HK3: variants seen among roughly 807,000 people sequenced by gnomAD.
HK3 encodes hexokinase 3.
Under a neutral mutation model 91.0 loss-of-function variants are expected in HK3, and 93 were observed. The observed-to-expected ratio is 1.02, with a 90% CI of 0.86 to 1.21. The LOEUF is 1.21. Ranked by LOEUF, HK3 falls within the 50% of genes most tolerant of loss-of-function variation. HK3 has a pLI of 0.00. For synonymous variants in HK3, 519 were observed against 516.9 expected (o/e 1.00, Z -0.06); for missense variants, 1,235 against 1,247.4 (o/e 0.99, Z 0.15).
At chr5:176,893,141 G>C (rs1430890713) in intron 2 of HK3, among the ~76,000 whole-genome samples, 1 of 152,204 alleles carries the variant, frequency 6.6e-6, no homozygotes, top group Non-Finnish European at 1.5e-5. Context: ...AGCTGCCCAA[G>C]TGTTAGAAAT....
intron 13 of HK3, among the ~76,000 whole-genome samples, chr5:176,885,411 A>T (rs72811302): frequency 0.025 from 3,857 of 152,224 alleles, 72 homozygotes; most frequent in African/African-American, 0.053. Flanking sequence ...TCACCCCTGA[A>T]AATAATGTGG....
rs752169461 is a variant in HK3 at position 176,889,709 on chromosome 5, G to A, written c.666C>T (p.Asp222=). ...CACAGCCCATCATGGTGCCCACTGT[G>A]TCGTTCACCACAGCAACCACGTCGA... ...YNIDVVAVVN[D]TVGTMMGCEP... is the part of the protein sequence containing the mutation. Residue 222 remains aspartate, a synonymous_variant, in exon 7 of 19, where the codon GAC becomes GAT. Transcript: ENST00000292432. 6.2e-7 allele frequency: 1 copy of A among 1,614,170 alleles called. No individual in the cohort carries two copies. The highest frequency in any genetic ancestry group is 2.2e-5 in the East Asian group (1 of 44,886).
At chr5:176,885,205 C>G (rs1006884566) in intron 13 of HK3, among the ~76,000 whole-genome samples, 1 of 152,170 alleles carries the variant, frequency 6.6e-6, no homozygotes, top group African/African-American at 2.4e-5. Flanking sequence ...ACAGAGGAGG[C>G]CTCTGCCCTC....
chr5:176,882,009 C>T lies in HK3; in HGVS notation c.2172G>A (p.Leu724=), dbSNP rs769371493. 1.9e-6 allele frequency: 3 copies of T among 1,613,382 alleles called. No individual in the cohort carries two copies. The highest frequency in any genetic ancestry group is 3.3e-5 in the Admixed American group (2 of 60,024). The change falls in exon 16 of 19, where the codon CTG becomes CTA. Residue 724 remains leucine, a synonymous_variant. Coordinates refer to ENST00000292432, the MANE Select transcript of HK3 (RefSeq NM_002115.3). ...EWGAFGDDGS[L]AMLSTRFDAS... ...CATCAAAGCGGGTGCTGAGCATGGC[C>T]AGAGAGCCATCGTCCCCAAAGGCGC...
chr5:176,897,953 C>T (rs1758946283), intron 1 of HK3, among the ~76,000 whole-genome samples: 1 of 152,208 alleles, frequency 6.6e-6, no homozygotes, highest in South Asian at 2.1e-4. Context: ...CATCACCTTA[C>T]CCCCACAAAG....
intron 15 of HK3, among the ~76,000 whole-genome samples, chr5:176,882,809 T>C (rs4976631): frequency 0.012 from 1,838 of 152,256 alleles, 53 homozygotes; most frequent in Admixed American, 0.086. Context: ...CAGCTTCAGC[T>C]CCAGGAAGGT....
chr5:176,892,187 T>C (rs1758794954), intron 2 of HK3, among the ~76,000 whole-genome samples: 1 of 152,148 alleles, frequency 6.6e-6, no homozygotes, highest in African/African-American at 2.4e-5. Context: ...AGACAGAAAT[T>C]AAGCACGTGA....
intron 3 of HK3, 83 bp downstream of exon 3, chr5:176,891,305 G>C: frequency 6.2e-7 from 1 of 1,606,152 alleles, no homozygotes; most frequent in Non-Finnish European, 8.5e-7. Flanking sequence ...TAGAGATGGG[G>C]GACAGGAATA....
In HK3 at chr5:176,881,761, C is replaced by T. The variant is rs770082005; in HGVS notation, c.2324G>A (p.Arg775Gln). ...LHLTSLGVLFRGQQIQRLQTR... is the reference protein window; with the variant it reads ...LHLTSLGVLFQGQQIQRLQTR... ...CTGAAGGCGCTGGATCTGCTGGCCC[C>T]GGAAGAGAACGCCAAGGCTGGTTAA... Residue 775 changes from arginine to glutamine, a missense_variant, in exon 17 of 19, where the codon CGG (arginine) becomes CAG (glutamine). Transcript: ENST00000292432. The T allele has an allele frequency of 4.3e-5, 69 of 1,614,028 alleles. No homozygotes were observed. Among genetic ancestry groups the T allele is most frequent in the South Asian group, 7.7e-5 (7 of 91,086 alleles).
At chr5:176,888,959 T>C (rs918706634) in intron 8 of HK3, 95 bp from the exon 9 acceptor site, 1 of 1,426,338 alleles carries the variant, frequency 7.0e-7, no homozygotes, top group Non-Finnish European at 9.4e-7. Flanking sequence ...ATTCTTTTCT[T>C]TGGGGCTCCC....
chr5:176,896,130 C>A lies in HK3; in HGVS notation c.30G>T (p.Arg10=). The A allele has an allele frequency of 6.2e-7, 1 of 1,612,264 alleles. No individual in the cohort carries two copies. The highest frequency in any genetic ancestry group is 8.5e-7 in the Non-Finnish European group (1 of 1,179,118). The change falls in exon 2 of 19, where the codon CGG becomes CGT. Residue 10 remains arginine, a synonymous_variant. Transcript: ENST00000292432. MDSIGSSGL[R]QGEETLSCSE... is the part of the protein sequence containing the mutation. ...AGCAACTCAGGGTTTCTTCCCCCTG[C>A]CGCAACCCTGAAGACCCAATGGAGT... is the stretch of plus-strand genomic sequence containing the variant.
At position 176,888,725 on chromosome 5, in the gene HK3, C is replaced by A. The variant is rs756469070; in HGVS notation, c.1054G>T (p.Val352Leu). ...LSQGSILLEH[V>L]AEMEDPSTGA... ...CCGACTCACTCCTCCATCTCAGCCA[C>A]GTGTTCCAGGAGGATGCTGCCTTGG... Residue 352 changes from valine (V) to leucine (L), a missense_variant, in exon 9 of 19, where the codon GTG (valine) becomes TTG (leucine). Transcript: ENST00000292432. The A allele has an allele frequency of 6.2e-7, 1 of 1,614,226 alleles. No individual in the cohort carries two copies. Among genetic ancestry groups the A allele is most frequent in the African/African-American group, 1.3e-5 (1 of 75,062 alleles).
intron 15 of HK3, among the ~76,000 whole-genome samples, chr5:176,882,974 C>A (rs2149373260): frequency 6.6e-6 from 1 of 152,296 alleles, no homozygotes; most frequent in East Asian, 1.9e-4. Context: ...TGTTGAGAGA[C>A]CAATGCCCCA....
chr5:176,881,936 G>A lies in HK3; in HGVS notation c.2237+8C>T, dbSNP rs1758445587. 6.2e-7 allele frequency: 1 copy of A among 1,613,360 alleles called. No homozygotes were observed. The highest frequency in any genetic ancestry group is 1.3e-5 in the African/African-American group (1 of 74,908). On this transcript the variant is annotated splice_region_variant and intron_variant, in intron 16 of 18. Transcript: ENST00000292432. Reference sequence around the variant, plus strand: ...AGCCAGCCACCACTGCCTGGGCCCAGCCCACACCTCTGCTTGCCGGGGTTG... The same window carrying A: ...AGCCAGCCACCACTGCCTGGGCCCAACCCACACCTCTGCTTGCCGGGGTTG...
chr5:176,889,353 C>T, intron 8 of HK3, 28 bp downstream of exon 8: 1 of 1,606,486 alleles, frequency 6.2e-7, no homozygotes. Context: ...GGCCTGGAAC[C>T]AAAGGTCAGG....
In HK3 at chr5:176,883,804, A is replaced by G. The variant is rs559889465; in HGVS notation, c.2019T>C (p.Tyr673=). ...GGCCTATCTCGCAACGGGGGTCCTC[A>G]TAGCCACAGGACATCATGGTCCCCA... ...DTVGTMMSCG[Y]EDPRCEIGLI... Residue 673 remains tyrosine (Y), a synonymous_variant, in exon 15 of 19, where the codon TAT becomes TAC. Coordinates refer to ENST00000292432, the MANE Select transcript of HK3 (RefSeq NM_002115.3). 1 of 1,614,074 alleles carries G rather than the reference A, an allele frequency of 6.2e-7. No homozygotes were observed. The highest frequency in any genetic ancestry group is 1.1e-5 in the South Asian group (1 of 91,082).
In HK3 at chr5:176,890,949, A is replaced by C; in HGVS notation, c.415-8T>G. ...GGCAGCAAAGTCAAAGAGCTGCAGG[A>C]GAAGTGGGGGGGCTCAGCCTTGCCC... On this transcript the variant is annotated splice_polypyrimidine_tract_variant and splice_region_variant and intron_variant, in intron 4 of 18. Transcript: ENST00000292432. The C allele has an allele frequency of 6.2e-7, 1 of 1,613,992 alleles. No homozygotes were observed. Among genetic ancestry groups the C allele is most frequent in the South Asian group, 1.1e-5 (1 of 91,082 alleles).
intron 2 of HK3, among the ~76,000 whole-genome samples, chr5:176,895,332 C>T (rs539373528): frequency 2.0e-5 from 3 of 152,272 alleles, no homozygotes; most frequent in South Asian, 4.1e-4. Flanking sequence ...CTGCCTCGGC[C>T]TCCCAAAGTG....
intron 2 of HK3, among the ~76,000 whole-genome samples, chr5:176,892,203 C>T (rs1758795589): frequency 6.6e-6 from 1 of 152,156 alleles, no homozygotes; most frequent in African/African-American, 2.4e-5. Flanking sequence ...CGTGAACATA[C>T]AATTTGGTTC....
Sources: gnomAD v4.1 joint callset for allele counts (sites outside exome capture counted in the v4.1 genomes callset) on GRCh38, gnomAD v4.1.1 for gene constraint, MANE v1.5 for transcripts, NCBI Gene and HGNC (gene_info 2026-07-23, HGNC 2026-07-21) for gene names.